FGF2: variants seen among roughly 807,000 people sequenced by gnomAD.
FGF2 encodes fibroblast growth factor 2.
In FGF2, 13 loss-of-function variants were observed where a neutral mutation model predicts 15.9. The ratio of observed to expected loss-of-function variants is 0.82; its 90% CI spans 0.53 to 1.30. The LOEUF (loss-of-function observed/expected upper bound fraction) is 1.30, where lower values mean the gene tolerates loss of function less well. Ranked by LOEUF, FGF2 falls within the 50% of genes most tolerant of loss-of-function variation. The pLI is 0.00. For synonymous variants in FGF2, 90 were observed against 78.4 expected (o/e 1.15, Z -0.78); for missense variants, 163 against 196.9 (o/e 0.83, Z 1.03).
chr4:122,884,633 C>G (rs1043684926), intron 2 of FGF2: 1 of 152,140 alleles, frequency 6.6e-6, no homozygotes, highest in Non-Finnish European at 1.5e-5. Flanking sequence ...AGCAAAAGCA[C>G]TTTTGGATTC....
chr4:122,875,658 T>G (rs918660744), intron 1 of FGF2, among the ~76,000 whole-genome samples: 1 of 151,974 alleles, frequency 6.6e-6, no homozygotes, highest in Non-Finnish European at 1.5e-5. Flanking sequence ...ATACAAAAAA[T>G]TAGCTGGGCG....
intron 2 of FGF2, among the ~76,000 whole-genome samples, chr4:122,876,684 T>G (rs542192642): frequency 6.6e-6 from 1 of 152,334 alleles, no homozygotes; most frequent in Non-Finnish European, 1.5e-5. Flanking sequence ...AAGTCACTGC[T>G]TTTACTCTGC....
chr4:122,856,714 A>G (rs72672969), intron 1 of FGF2, among the ~76,000 whole-genome samples: 8,181 of 152,186 alleles, frequency 0.054, 332 homozygotes, highest in Non-Finnish European at 0.079. Flanking sequence ...TCTTTACCCA[A>G]TTTTCCCCCA....
In FGF2 at chr4:122,827,864, A is replaced by AT. The variant is rs1725681320; in HGVS notation, c.178+517dup. ...ACTACTCTCACCCACTCTGTTTTAT[A>AT]TTTTTCCGAATTGACGAAAGCTGAA... On this transcript the variant is annotated intron_variant, in intron 1 of 2. Coordinates refer to ENST00000644866, the MANE Select transcript of FGF2 (RefSeq NM_001361665.2). This position sits in a 1 kb window ranked among gnomAD's most constrained non-coding sequence, Gnocchi z 4.2. Among the ~76,000 whole-genome samples, 1 of 152,162 alleles carries AT rather than the reference A, an allele frequency of 6.6e-6. No individual in the cohort carries two copies. The highest frequency in any genetic ancestry group is 1.5e-5 in the Non-Finnish European group (1 of 68,030).
At chr4:122,886,622 C>G (rs116356284) in intron 2 of FGF2, among the ~76,000 whole-genome samples, 2,175 of 152,238 alleles carry the variant, frequency 0.014, 56 homozygotes, top group African/African-American at 0.049. Flanking sequence ...GAGTTACAAT[C>G]CAATACTACA....
rs1197406320 is a variant in FGF2, at chr4:122,827,658, G to C, written c.178+306G>C. On this transcript the variant is annotated intron_variant, in intron 1 of 2. Coordinates refer to ENST00000644866, the MANE Select transcript of FGF2 (RefSeq NM_001361665.2). This position sits in a 1 kb window ranked among gnomAD's most constrained non-coding sequence, Gnocchi z 4.2. ...CTGGCTGTCTTCCCGCGGACAACCT[G>C]TCGCGTCGGGGATGCCCGCGGCCCC... Among the ~76,000 whole-genome samples the C allele has an allele frequency of 1.3e-5, 2 of 152,284 alleles. No individual in the cohort carries two copies. The highest frequency in any genetic ancestry group is 4.1e-4 in the South Asian group (2 of 4,830).
At chr4:122,855,932 G>A (rs1019337873) in intron 1 of FGF2, among the ~76,000 whole-genome samples, 1 of 152,062 alleles carries the variant, frequency 6.6e-6, no homozygotes, top group Non-Finnish European at 1.5e-5. Context: ...TTCTGTCCCC[G>A]TACCCTCACC....
intron 1 of FGF2, among the ~76,000 whole-genome samples, chr4:122,851,342 T>C (rs1726227595): frequency 6.6e-6 from 1 of 152,146 alleles, no homozygotes; most frequent in African/African-American, 2.4e-5. Flanking sequence ...TTTTAAGGAT[T>C]TTTGACTCAA....
chr4:122,847,541 C>T (rs975786689), intron 1 of FGF2, among the ~76,000 whole-genome samples: 3 of 152,032 alleles, frequency 2.0e-5, no homozygotes, highest in Non-Finnish European at 1.5e-5. Context: ...CCTAGCAACT[C>T]GATTTTTAGG....
Position 122,827,465 on chromosome 4 carries a change from G to A in FGF2, c.178+113G>A. The A allele has an allele frequency of 1.6e-6, 2 of 1,270,788 alleles. No individual in the cohort carries two copies. The highest frequency in any genetic ancestry group is 2.5e-5 in the East Asian group (1 of 40,234). The allele number at this position is 1,270,788 out of a possible 1,614,324, so 78.7% of individuals were successfully genotyped here. A position where few individuals can be genotyped will look rare whatever the true frequency, so the allele number is the denominator to read the frequency against. On this transcript the variant is annotated intron_variant, in intron 1 of 2. Coordinates refer to ENST00000644866, the MANE Select transcript of FGF2 (RefSeq NM_001361665.2). This position sits in a 1 kb window ranked among gnomAD's most constrained non-coding sequence, Gnocchi z 4.2. ...ATCTTCACTGCGACCCTAGCGCTCC[G>A]TGTGGTTTCTGGCCGCGCGGCCCTC... is the stretch of plus-strand genomic sequence containing the variant.
intron 1 of FGF2, among the ~76,000 whole-genome samples, chr4:122,846,115 G>A (rs1018780230): frequency 7.2e-5 from 11 of 152,194 alleles, no homozygotes; most frequent in African/African-American, 2.7e-4. Context: ...CCTAAGAGTG[G>A]TGGAGACAGG....
chr4:122,862,095 G>A (rs1292343464), intron 1 of FGF2, among the ~76,000 whole-genome samples: 2 of 152,140 alleles, frequency 1.3e-5, no homozygotes, highest in African/African-American at 4.8e-5. Flanking sequence ...TAAGGCTAAA[G>A]ACCAATGTTA....
intron 1 of FGF2, among the ~76,000 whole-genome samples, chr4:122,875,909 CAGT>C (rs1726836821): frequency 6.6e-6 from 1 of 152,200 alleles, no homozygotes; most frequent in South Asian, 2.1e-4. Context: ...TCAACATAGG[CAGT>C]AGCATGGGAA....
At chr4:122,881,023 C>T (rs1726951780) in intron 2 of FGF2, among the ~76,000 whole-genome samples, 1 of 152,184 alleles carries the variant, frequency 6.6e-6, no homozygotes, top group African/African-American at 2.4e-5. Flanking sequence ...TGGAAGCTGC[C>T]AAGGCTTGAT....
intron 1 of FGF2, among the ~76,000 whole-genome samples, chr4:122,852,050 A>ATC (rs1221019637): frequency 1.3e-5 from 2 of 152,128 alleles, no homozygotes; most frequent in African/African-American, 4.8e-5. Context: ...TTATTCCTAA[A>ATC]TCTCTCAAAG....
chr4:122,866,815 TA>T (rs1431686615), intron 1 of FGF2, among the ~76,000 whole-genome samples: 12 of 152,218 alleles, frequency 7.9e-5, no homozygotes, highest in Non-Finnish European at 1.6e-4. Context: ...TATGACCCAG[TA>T]ATTTGACTCC....
chr4:122,837,483 CTA>C (rs1725889396), intron 1 of FGF2, among the ~76,000 whole-genome samples: 1 of 152,152 alleles, frequency 6.6e-6, no homozygotes, highest in African/African-American at 2.4e-5. Flanking sequence ...CTACTGCCTG[CTA>C]TATATCTTTT....
At chr4:122,853,258 A>C (rs565992411) in intron 1 of FGF2, among the ~76,000 whole-genome samples, 3 of 152,352 alleles carry the variant, frequency 2.0e-5, no homozygotes, top group African/African-American at 7.2e-5. Flanking sequence ...TGATCATGCT[A>C]CTGCACTCCA....
chr4:122,887,322 A>T (rs576563927), intron 2 of FGF2, among the ~76,000 whole-genome samples: 3 of 152,106 alleles, frequency 2.0e-5, no homozygotes, highest in Non-Finnish European at 4.4e-5. Context: ...TCAAAACAAA[A>T]CAAAACAAAA....
Sources: gnomAD v4.1 joint callset for allele counts (sites outside exome capture counted in the v4.1 genomes callset) on GRCh38, gnomAD v4.1.1 for gene constraint, Gnocchi (gnomAD v3.1) non-coding constraint, MANE v1.5 for transcripts, NCBI Gene and HGNC (gene_info 2026-07-23, HGNC 2026-07-21) for gene names.